PRKG1: variants seen among roughly 807,000 people sequenced by gnomAD.
PRKG1 encodes the protein cGMP-dependent protein kinase 1.
In PRKG1, 35 loss-of-function variants were observed where a neutral mutation model predicts 88.1. The ratio of observed to expected loss-of-function variants is 0.40; its 90% confidence interval spans 0.30 to 0.53. The LOEUF is 0.53. PRKG1 is among the 20% of genes least tolerant of loss of function. PRKG1 has a pLI of 0.59. For missense variants in PRKG1, 540 were observed against 839.8 expected (o/e 0.64, Z 4.41); for synonymous variants, 303 against 292.5 (o/e 1.04, Z -0.37).
At chr10:52,172,397 C>G (rs181884094) in intron 9 of PRKG1, among the ~76,000 whole-genome samples, 1 of 152,160 alleles carries the variant, frequency 6.6e-6, no homozygotes, top group Non-Finnish European at 1.5e-5. Context: ...TTGAAAATTA[C>G]TTTCAAAACG....
intron 5 of PRKG1, among the ~76,000 whole-genome samples, chr10:51,940,609 G>C (rs1265636071): frequency 1.3e-5 from 2 of 151,862 alleles, no homozygotes; most frequent in Non-Finnish European, 2.9e-5. Context: ...AAAGCTGAGT[G>C]GGATCCCAGA....
intron 5 of PRKG1, among the ~76,000 whole-genome samples, chr10:52,006,781 G>A (rs891271421): frequency 3.9e-5 from 6 of 152,270 alleles, no homozygotes; most frequent in Non-Finnish European, 7.4e-5. Flanking sequence ...AAGAAACCCT[G>A]TGAGATATTA....
At chr10:51,653,848 A>G (rs984959892) in intron 3 of PRKG1, among the ~76,000 whole-genome samples, 1 of 152,204 alleles carries the variant, frequency 6.6e-6, no homozygotes, top group Non-Finnish European at 1.5e-5. Context: ...GATTACAGGC[A>G]TGAGCCACCA....
chr10:51,821,124 G>A (rs1839733856), intron 4 of PRKG1, among the ~76,000 whole-genome samples: 1 of 152,016 alleles, frequency 6.6e-6, no homozygotes, highest in Admixed American at 6.6e-5. Context: ...TTCTGTGTCT[G>A]GTTTCTTTTG....
rs376407816 is a variant in PRKG1 at position 51,174,515 on chromosome 10, G to A, written c.478+21185G>A. Among the ~76,000 whole-genome samples the A allele has an allele frequency of 1.4e-4, 21 of 152,000 alleles. No individual in the cohort carries two copies. In the South Asian group the frequency reaches 2.7e-3, roughly 20 times the overall value. On this transcript the variant is annotated intron_variant, in intron 2 of 17. Coordinates refer to ENST00000373980, the MANE Select transcript of PRKG1 (RefSeq NM_006258.4). ...GGGTGAATGTTTGACAATTGGCTTC[G>A]CAAAGAAGAAAAAGAAAGAAAAAAG... is the stretch of plus-strand genomic sequence containing the variant.
At chr10:51,886,914 T>A (rs10823817) in intron 4 of PRKG1, among the ~76,000 whole-genome samples, 63,144 of 151,912 alleles carry the variant, frequency 0.42, 13,448 homozygotes, top group East Asian at 0.62. Context: ...CAGTACTGTA[T>A]TTTCCATCTG....
At chr10:51,409,198 C>T (rs576937041) in intron 2 of PRKG1, among the ~76,000 whole-genome samples, 57 of 152,142 alleles carry the variant, frequency 3.7e-4, no homozygotes, top group Non-Finnish European at 7.5e-4. Context: ...GCCTGCATAT[C>T]GTGAAGAACC....
chr10:52,053,722 G>C (rs1278572548), intron 5 of PRKG1, among the ~76,000 whole-genome samples: 1 of 152,178 alleles, frequency 6.6e-6, no homozygotes, highest in Non-Finnish European at 1.5e-5. Flanking sequence ...TACTGACTGT[G>C]ATAATCCTTT....
At chr10:51,853,645 C>T (rs1840611389) in intron 4 of PRKG1, among the ~76,000 whole-genome samples, 1 of 152,120 alleles carries the variant, frequency 6.6e-6, no homozygotes, top group Admixed American at 6.6e-5. Context: ...GCAAAGAAAA[C>T]AATAACCTTT....
chr10:51,537,584 C>T (rs1842188466), intron 3 of PRKG1, among the ~76,000 whole-genome samples: 1 of 152,026 alleles, frequency 6.6e-6, no homozygotes, highest in Admixed American at 6.6e-5. Flanking sequence ...CAAAAATTAG[C>T]TAGGCGTGGT....
intron 2 of PRKG1, among the ~76,000 whole-genome samples, chr10:51,180,146 A>G (rs543902500): frequency 1.4e-3 from 217 of 152,292 alleles, no homozygotes; most frequent in Non-Finnish European, 2.4e-3. Flanking sequence ...AATATAATGC[A>G]CGGGGCAAAT....
intron 2 of PRKG1, among the ~76,000 whole-genome samples, chr10:51,240,394 A>G (rs1839120953): frequency 6.6e-6 from 1 of 152,182 alleles, no homozygotes; most frequent in Non-Finnish European, 1.5e-5. Context: ...CTGAGAAAAG[A>G]TTACTAATTC....
chr10:51,707,438 G>A (rs12255839), intron 3 of PRKG1, among the ~76,000 whole-genome samples: 10,747 of 152,228 alleles, frequency 0.071, 401 homozygotes, highest in East Asian at 0.085. Context: ...GAAAGGCATA[G>A]CTAATTAGAC....
chr10:51,104,332 G>T (rs150338425), intron 1 of PRKG1, among the ~76,000 whole-genome samples: 3 of 152,122 alleles, frequency 2.0e-5, no homozygotes, highest in African/African-American at 7.2e-5. Flanking sequence ...TTGACTCTTT[G>T]TACAATCTTC....
At chr10:51,033,242 A>G (rs1229535375) in intron 1 of PRKG1, among the ~76,000 whole-genome samples, 1 of 152,090 alleles carries the variant, frequency 6.6e-6, no homozygotes. Flanking sequence ...CCACCCCATC[A>G]TGTCCTCACA....
At chr10:51,155,850 C>T (rs1050779225) in intron 2 of PRKG1, among the ~76,000 whole-genome samples, 1 of 151,926 alleles carries the variant, frequency 6.6e-6, no homozygotes, top group Non-Finnish European at 1.5e-5. Context: ...ATCAGCTTTA[C>T]TCAATGTCTA....
chr10:51,322,656 A>G (rs1344425665), intron 2 of PRKG1, among the ~76,000 whole-genome samples: 1 of 152,248 alleles, frequency 6.6e-6, no homozygotes, highest in Non-Finnish European at 1.5e-5. Context: ...CTGATTTAAT[A>G]GAATATAGTA....
At chr10:51,642,572 A>G (rs1316668623) in intron 3 of PRKG1, among the ~76,000 whole-genome samples, 1 of 152,178 alleles carries the variant, frequency 6.6e-6, no homozygotes, top group Non-Finnish European at 1.5e-5. Flanking sequence ...TGACTGGTAG[A>G]ACACAGACTA....
intron 1 of PRKG1, among the ~76,000 whole-genome samples, chr10:51,133,360 A>C (rs975017721): frequency 6.6e-6 from 1 of 152,136 alleles, no homozygotes; most frequent in Non-Finnish European, 1.5e-5. Context: ...TGCTCTTACA[A>C]TTTGATGATA....
Sources: gnomAD v4.1 joint callset for allele counts (sites outside exome capture counted in the v4.1 genomes callset) on GRCh38, gnomAD v4.1.1 for gene constraint, MANE v1.5 for transcripts, NCBI Gene and HGNC (gene_info 2026-07-23, HGNC 2026-07-21) for gene names.